The following NOS1AP variants were observed in gnomAD, a reference collection of about 807,000 sequenced individuals.
NOS1AP encodes nitric oxide synthase 1 adaptor protein, also known as carboxyl-terminal PDZ ligand of neuronal nitric oxide synthase protein.
In NOS1AP, 21 loss-of-function variants were observed where a neutral mutation model predicts 56.2. The ratio of observed to expected loss-of-function variants is 0.37; its 90% CI spans 0.26 to 0.54. The LOEUF (loss-of-function observed/expected upper bound fraction) is 0.54. Ranked by LOEUF, NOS1AP falls within the 20% of genes least tolerant of loss-of-function variation. The probability of loss-of-function intolerance (pLI) is 0.84; values close to 1 mark genes in which losing one functional copy is unlikely to be tolerated. For synonymous variants in NOS1AP, 270 were observed against 274.6 expected, an observed-to-expected ratio of 0.98 and a Z score of 0.17; for missense variants, 522 against 657.8, an observed-to-expected ratio of 0.79 and a Z score of 2.26.
intron 2 of NOS1AP, among the ~76,000 whole-genome samples, chr1:162,169,699 G>A (rs189847811): frequency 1.3e-5 from 2 of 152,272 alleles, no homozygotes; most frequent in East Asian, 3.9e-4. Flanking sequence ...AGCTCCTAAA[G>A]CATGAGGTCC....
intron 3 of NOS1AP, among the ~76,000 whole-genome samples, chr1:162,290,279 G>A (rs1020961914): frequency 4.6e-5 from 7 of 152,330 alleles, no homozygotes; most frequent in Middle Eastern, 3.4e-3. Context: ...CTTAGTGTCC[G>A]TTCCAGGGCC....
chr1:162,150,345 A>G (rs1649658192), intron 1 of NOS1AP, among the ~76,000 whole-genome samples: 1 of 152,068 alleles, frequency 6.6e-6, no homozygotes, highest in Non-Finnish European at 1.5e-5. Context: ...ATTTTACTGC[A>G]TTTTCTTTAT....
chr1:162,279,704 T>C (rs1557861096), intron 2 of NOS1AP, among the ~76,000 whole-genome samples: 1 of 152,224 alleles, frequency 6.6e-6, no homozygotes, highest in Non-Finnish European at 1.5e-5. Flanking sequence ...TTGCTTTCTG[T>C]TATAAAATGG....
intron 2 of NOS1AP, among the ~76,000 whole-genome samples, chr1:162,250,938 C>T (rs1202773618): frequency 6.6e-6 from 1 of 152,154 alleles, no homozygotes; most frequent in African/African-American, 2.4e-5. Context: ...TTTGACTCTT[C>T]CCTTCCTCTC....
chr1:162,096,607 A>G (rs534249394), intron 1 of NOS1AP, among the ~76,000 whole-genome samples: 1 of 152,190 alleles, frequency 6.6e-6, no homozygotes, highest in South Asian at 2.1e-4. Flanking sequence ...TTTTCCCCAT[A>G]TATTTATACT....
intron 2 of NOS1AP, among the ~76,000 whole-genome samples, chr1:162,155,127 G>C (rs1286950299): frequency 3.3e-5 from 5 of 151,630 alleles, no homozygotes; most frequent in Non-Finnish European, 7.4e-5. Context: ...GGTAAGCGAT[G>C]TGTTATATGG....
chr1:162,161,243 A>T (rs992135108), intron 2 of NOS1AP, among the ~76,000 whole-genome samples: 5 of 152,128 alleles, frequency 3.3e-5, no homozygotes, highest in African/African-American at 1.2e-4. Context: ...GAGGTAACAC[A>T]TTCATAGGTT....
At chr1:162,165,843 A>T (rs1650468365) in intron 2 of NOS1AP, among the ~76,000 whole-genome samples, 1 of 152,220 alleles carries the variant, frequency 6.6e-6, no homozygotes, top group African/African-American at 2.4e-5. Flanking sequence ...TGAGACTTGT[A>T]TATTCTGTGT....
intron 1 of NOS1AP, among the ~76,000 whole-genome samples, chr1:162,115,615 TC>T (rs1338266583): frequency 1.3e-5 from 2 of 152,158 alleles, no homozygotes; most frequent in Non-Finnish European, 2.9e-5. Flanking sequence ...TCAGGCCCCT[TC>T]CCAGACCCAC....
At chr1:162,146,561 C>T (rs1366492065) in intron 1 of NOS1AP, among the ~76,000 whole-genome samples, 5 of 152,174 alleles carry the variant, frequency 3.3e-5, no homozygotes, top group African/African-American at 1.2e-4. Flanking sequence ...AGCCAGCCTG[C>T]ACTGTGCCTG....
intron 2 of NOS1AP, among the ~76,000 whole-genome samples, chr1:162,194,216 C>G (rs1388756029): frequency 6.6e-6 from 1 of 152,174 alleles, no homozygotes; most frequent in East Asian, 1.9e-4. Flanking sequence ...TGTCCCCTCT[C>G]TTCTCTTCAT....
intron 2 of NOS1AP, among the ~76,000 whole-genome samples, chr1:162,270,612 A>G (rs1654553284): frequency 1.3e-5 from 2 of 152,228 alleles, no homozygotes; most frequent in Non-Finnish European, 2.9e-5. Flanking sequence ...GGACTGAGCG[A>G]GGGATTTGAA....
intron 6 of NOS1AP, among the ~76,000 whole-genome samples, chr1:162,350,099 C>G (rs1657441201): frequency 6.6e-6 from 1 of 152,210 alleles, no homozygotes; most frequent in Admixed American, 6.5e-5. Flanking sequence ...CAGAGTTGAA[C>G]TGTTGGCTGT....
intron 2 of NOS1AP, among the ~76,000 whole-genome samples, chr1:162,278,047 A>T (rs941301413): frequency 1.3e-5 from 2 of 152,212 alleles, no homozygotes; most frequent in African/African-American, 2.4e-5. Context: ...AAACTATAGT[A>T]ACTTCTTTTC....
At chr1:162,134,485 TAAAAAAA>T (rs66940059) in intron 1 of NOS1AP, among the ~76,000 whole-genome samples, 4 of 92,736 alleles carry the variant, frequency 4.3e-5, no homozygotes, top group African/African-American at 9.2e-5. Flanking sequence ...AGACTTTGTC[TAAAAAAA>T]AAAAAAAAAA....
intron 2 of NOS1AP, among the ~76,000 whole-genome samples, chr1:162,275,907 A>G (rs1654714868): frequency 6.6e-6 from 1 of 152,198 alleles, no homozygotes; most frequent in Non-Finnish European, 1.5e-5. Context: ...GAGGGAACTC[A>G]AATGAGGTAA....
chr1:162,170,752 C>A (rs910380679), intron 2 of NOS1AP, among the ~76,000 whole-genome samples: 2 of 152,066 alleles, frequency 1.3e-5, no homozygotes, highest in African/African-American at 2.4e-5. Context: ...ATGGAGAAAC[C>A]CTGTCTCGAC....
intron 1 of NOS1AP, among the ~76,000 whole-genome samples, chr1:162,098,102 C>CTTTTTTTTTTT (rs35307081): frequency 9.9e-5 from 8 of 80,606 alleles, no homozygotes; most frequent in African/African-American, 2.0e-4. Flanking sequence ...CTCTCTTTTG[C>CTTTTTTTTTTT]TTTTTTTTTT....
intron 2 of NOS1AP, among the ~76,000 whole-genome samples, chr1:162,224,286 T>C (rs1316435904): frequency 6.6e-6 from 1 of 152,224 alleles, no homozygotes; most frequent in African/African-American, 2.4e-5. Flanking sequence ...TGCTTTTTTA[T>C]TCAAGGCACT....
Sources: gnomAD v4.1 joint callset for allele counts (sites outside exome capture counted in the v4.1 genomes callset) on GRCh38, gnomAD v4.1.1 for gene constraint, MANE v1.5 for transcripts, NCBI Gene and HGNC (gene_info 2026-07-23, HGNC 2026-07-21) for gene names.